CP: variants seen among roughly 807,000 people sequenced by gnomAD.
The protein encoded by CP is ceruloplasmin.
CP carries 64 observed loss-of-function variants against 122.4 expected under a neutral mutation model. That is an observed-to-expected ratio of 0.52 (90% CI 0.43 to 0.64). The LOEUF (loss-of-function observed/expected upper bound fraction) is 0.64, where lower values mean the gene tolerates loss of function less well. Among genes scored for constraint, CP ranks in the 30% least tolerant of loss-of-function variants. The pLI is 0.00. For synonymous variants in CP, 440 were observed against 436.4 expected (o/e 1.01, Z -0.10); for missense variants, 1,167 against 1,284.4 (o/e 0.91, Z 1.40).
chr3:149,181,500 T>C (rs1725771570), intron 14 of CP, among the ~76,000 whole-genome samples: 1 of 152,224 alleles, frequency 6.6e-6, no homozygotes, highest in Non-Finnish European at 1.5e-5. Flanking sequence ...AATATGGTTC[T>C]TATTAAAGAA....
chr3:149,194,525 C>T (rs1395818176), intron 9 of CP, among the ~76,000 whole-genome samples: 1 of 151,934 alleles, frequency 6.6e-6, no homozygotes, highest in East Asian at 1.9e-4. Context: ...AGGTATGAAC[C>T]ACCACACCCA....
chr3:149,196,006 AGTG>A (rs1015790273), intron 9 of CP, among the ~76,000 whole-genome samples: 1 of 152,238 alleles, frequency 6.6e-6, no homozygotes, highest in Admixed American at 6.5e-5. Context: ...CCGTATATCC[AGTG>A]GTGGCAAAAC....
intron 10 of CP, 65 bp downstream of exon 10, chr3:149,187,987 G>C: frequency 6.4e-7 from 1 of 1,553,598 alleles, no homozygotes; most frequent in East Asian, 2.3e-5. Flanking sequence ...ATTTTGTTTA[G>C]TTAAAAGCAT....
intron 1 of CP, 33 bp from the exon 2 acceptor site, chr3:149,212,731 G>C: frequency 6.2e-7 from 1 of 1,609,658 alleles, no homozygotes; most frequent in Non-Finnish European, 8.5e-7. Flanking sequence ...TCTATCAGAA[G>C]CCATCATTTC....
At chr3:149,163,515 C>G (rs1035025283) in intron 5 of CP, among the ~76,000 whole-genome samples, 2 of 152,146 alleles carry the variant, frequency 1.3e-5, no homozygotes, top group East Asian at 3.8e-4. Flanking sequence ...ATTTTGCCTT[C>G]TAAAGAAAGT....
chr3:149,187,283 G>C (rs1408238201), intron 10 of CP, among the ~76,000 whole-genome samples: 1 of 152,020 alleles, frequency 6.6e-6, no homozygotes, highest in Non-Finnish European at 1.5e-5. Flanking sequence ...TTTAAAGATT[G>C]TGGGTAGCGT....
chr3:149,198,645 A>T (rs1727078276), intron 8 of CP, 67 bp from the exon 9 acceptor site: 1 of 1,391,844 alleles, frequency 7.2e-7, no homozygotes, highest in Non-Finnish European at 1.0e-6. Context: ...GCCACAAAGT[A>T]GACTAAGTTT....
chr3:149,177,857 G>A lies in CP; in HGVS notation c.3001C>T (p.His1001Tyr), dbSNP rs760407900. The change falls in exon 17 of 19, where the codon CAT (histidine) becomes TAT (tyrosine). Residue 1001 changes from histidine to tyrosine, a missense_variant. Around this residue, in one of 2 missense-constraint regions of CP, gnomAD observed 525 missense variants for 657.2 expected, o/e 0.80. Coordinates refer to ENST00000264613, the MANE Select transcript of CP (RefSeq NM_000096.4). ...GCTCTTACCTTGTATTGGAAGCTAT[G>A]GCCGTGAAAATGTACAGTGTGTAAG... ...IDLHTVHFHG[H>Y]SFQYKHRGVY... is the part of the protein sequence containing the mutation. 1.9e-6 allele frequency: 3 copies of A among 1,613,726 alleles called. No individual in the cohort carries two copies. Among genetic ancestry groups the A allele is most frequent in the Non-Finnish European group, 2.5e-6 (3 of 1,179,702 alleles).
At chr3:149,177,668 C>T in intron 17 of CP, 172 bp downstream of exon 17, 3 of 723,748 alleles carry the variant, frequency 4.1e-6, no homozygotes, top group Admixed American at 4.9e-5. Flanking sequence ...ATTATTTTTT[C>T]CTGAATATTT....
Position 149,209,297 on chromosome 3 carries a change from A to AGGT in CP, c.692_694dup (p.Tyr231_Leu232insHis). ...GCAGTAGGTTTTAATGTTGTCTTCT[A>AGGT]GGTACCAGCTGAAATTTTCATCCAC... is the stretch of plus-strand genomic sequence containing the variant. On this transcript the variant is annotated inframe_insertion, in exon 4 of 19. Coordinates refer to ENST00000264613, the MANE Select transcript of CP (RefSeq NM_000096.4). 6.2e-7 allele frequency: 1 copy of AGGT among 1,613,802 alleles called. No individual in the cohort carries two copies. Among genetic ancestry groups the AGGT allele is most frequent in the Non-Finnish European group, 8.5e-7 (1 of 1,179,776 alleles).
At chr3:149,168,536 C>T (rs55661870), downstream of CP, 22,704 of 155,704 alleles carry the variant, frequency 0.15, 2,255 homozygotes, top group East Asian at 0.28. Context: ...TTCCCAATGA[C>T]AAAGGGTATG....
intron 7 of CP, 118 bp downstream of exon 7, chr3:149,201,984 C>G: frequency 7.8e-7 from 1 of 1,288,908 alleles, no homozygotes; most frequent in Middle Eastern, 2.1e-4. Context: ...TTTTATCTTC[C>G]ACACGCCTAC....
chr3:149,188,597 G>T (rs11317415), intron 9 of CP, among the ~76,000 whole-genome samples: 1 of 135,974 alleles, frequency 7.4e-6, no homozygotes, highest in Non-Finnish European at 1.5e-5. Context: ...AAGAATTCCT[G>T]TAAGGCAGAG....
chr3:149,185,101 TTTGTTGTTG>T (rs141521527), intron 12 of CP, 129 bp downstream of exon 12: 26 of 735,912 alleles, frequency 3.5e-5, no homozygotes, highest in Admixed American at 1.6e-4. Context: ...TAGGAAGTGT[TTTGTTGTTG>T]TTGTTGTTGT....
rs1358535666 is a variant in CP, at chr3:149,163,964, C to G, written c.*14-1089G>C. ...CAAAATTACAGGTAAGTAAAAATAC[C>G]TCCTTTTCTTATGAAATTGCATATT... On this transcript the variant is annotated intron_variant, in intron 5 of 5. Transcript: ENST00000479771. The G allele has an allele frequency of 5.7e-6, 7 of 1,220,842 alleles. No homozygotes were observed. Among genetic ancestry groups the G allele is most frequent in the Non-Finnish European group, 7.3e-6 (6 of 823,036 alleles). 75.6% of individuals were successfully genotyped at this position (1,220,842 alleles called of 1,614,324 possible).
chr3:149,187,886 TGACA>T, intron 10 of CP, 162 bp downstream of exon 10: 1 of 705,786 alleles, frequency 1.4e-6, no homozygotes, highest in Non-Finnish European at 2.4e-6. Context: ...AATGGATAAC[TGACA>T]GACACATCAA....
In CP at chr3:149,183,473, T is replaced by G; in HGVS notation, c.2418A>C (p.Gly806=). Residue 806 remains glycine, a synonymous_variant, in exon 13 of 19, where the codon GGA becomes GGC. Coordinates refer to ENST00000264613, the MANE Select transcript of CP (RefSeq NM_000096.4). The part of the protein sequence containing the change: ...VERKAEEEHL[G]ILGPQLHADV... ...CTGGAGATATTAACATACCTAGAATTCCCAGATGTTCTTCTTCAGCTTTTC... is the reference window on the plus strand; with the variant it reads ...CTGGAGATATTAACATACCTAGAATGCCCAGATGTTCTTCTTCAGCTTTTC... 1.9e-6 allele frequency: 3 copies of G among 1,611,436 alleles called. No homozygotes were observed. The highest frequency in any genetic ancestry group is 2.5e-6 in the Non-Finnish European group (3 of 1,179,774).
chr3:149,204,795 T>C (rs1727591671), intron 6 of CP, among the ~76,000 whole-genome samples: 1 of 152,114 alleles, frequency 6.6e-6, no homozygotes, highest in Non-Finnish European at 1.5e-5. Flanking sequence ...AGTACTGCTT[T>C]GTAAAAAATC....
intron 3 of CP, 119 bp downstream of exon 3, chr3:149,210,048 C>T (rs1043549761): frequency 3.1e-5 from 29 of 935,898 alleles, no homozygotes; most frequent in African/African-American, 2.6e-4. Context: ...TTTCTACTTA[C>T]CACCTCTCTA....
Sources: gnomAD v4.1 joint callset for allele counts (sites outside exome capture counted in the v4.1 genomes callset) on GRCh38, gnomAD v4.1.1 for gene constraint, gnomAD v4.1.1 regional missense constraint, MANE v1.5 for transcripts, NCBI Gene and HGNC (gene_info 2026-07-23, HGNC 2026-07-21) for gene names.